Variants in ADAMTS17 observed in about 807,000 individuals in gnomAD.
The protein encoded by ADAMTS17 is ADAM metallopeptidase with thrombospondin type 1 motif 17.
In ADAMTS17, 113 loss-of-function variants were observed where a neutral mutation model predicts 141.5. That is an observed-to-expected ratio of 0.80 (90% CI 0.69 to 0.93). ADAMTS17 has a LOEUF of 0.93. Ranked by LOEUF, ADAMTS17 falls within the 40% of genes least tolerant of loss-of-function variation. The probability of loss-of-function intolerance (pLI) is 0.00; values close to 1 mark genes in which losing one functional copy is unlikely to be tolerated. For synonymous variants in ADAMTS17, 768 were observed against 630.6 expected (o/e 1.22, Z -3.27); for missense variants, 1,659 against 1,517.9 (o/e 1.09, Z -1.54).
Position 99,976,068 on chromosome 15 carries a change from T to G in ADAMTS17, c.3104A>C (p.Asn1035Thr). The change falls in exon 21 of 22, where the codon AAC becomes ACC. Residue 1035 changes from asparagine to threonine, a missense_variant. By Grantham distance (65) the Asn-to-Thr change is moderately conservative. Coordinates refer to ENST00000268070, the MANE Select transcript of ADAMTS17 (RefSeq NM_139057.4). ...ACCAAGGCGGGGGGAGGTGATGGTG[T>G]TGGCGTTGATCCTGTCGTTGCAGAC... The part of the protein sequence containing the change: ...QEVCNDRINA[N>T]TITSPRLAAL... 6.4e-7 allele frequency: 1 copy of G among 1,551,370 alleles called. No individual in the cohort carries two copies. Among genetic ancestry groups the G allele is most frequent in the East Asian group, 2.4e-5 (1 of 40,934 alleles).
intron 7 of ADAMTS17, among the ~76,000 whole-genome samples, chr15:100,234,353 A>T (rs576368764): frequency 6.6e-6 from 1 of 152,294 alleles, no homozygotes; most frequent in South Asian, 2.1e-4. Context: ...GATCCCCAGG[A>T]CACCGCCTGG....
intron 18 of ADAMTS17, among the ~76,000 whole-genome samples, chr15:100,043,049 C>G (rs570960257): frequency 1.1e-4 from 16 of 152,320 alleles, no homozygotes; most frequent in African/African-American, 3.8e-4. Flanking sequence ...GCTTCAAAAT[C>G]TATTATCAGA....
At chr15:100,105,862 G>T (rs1026881135) in intron 14 of ADAMTS17, among the ~76,000 whole-genome samples, 2 of 151,956 alleles carry the variant, frequency 1.3e-5, no homozygotes, top group Non-Finnish European at 2.9e-5. Flanking sequence ...TAATTTTTTT[G>T]TATTTTTAGT....
chr15:100,136,828 G>A (rs2038357949), intron 10 of ADAMTS17, among the ~76,000 whole-genome samples: 1 of 152,236 alleles, frequency 6.6e-6, no homozygotes, highest in Non-Finnish European at 1.5e-5. Flanking sequence ...AATGAGCCCA[G>A]AGGCGTGTCC....
chr15:100,051,514 T>C, intron 17 of ADAMTS17, 58 bp downstream of exon 17: 1 of 1,610,660 alleles, frequency 6.2e-7, no homozygotes, highest in Admixed American at 1.7e-5. Context: ...CACAGATGCC[T>C]TTCTCCTTCC....
At position 100,099,629 on chromosome 15, in the gene ADAMTS17, G is replaced by A. The variant is rs113902705; in HGVS notation, c.2017-3153C>T. 7.9e-3 allele frequency among the ~76,000 whole-genome samples: 1,205 copies of A among 152,280 alleles called. 15 individuals carry two copies. Among genetic ancestry groups the A allele is most frequent in the African/African-American group, 0.027 (1,136 of 41,548 alleles). On this transcript the variant is annotated intron_variant, in intron 14 of 21. Transcript: ENST00000268070. ...CTCAGCTTTCAAAGCAGGGCTTCAA[G>A]TTCCTGGCCAGCATTTGCTGGTCGC...
chr15:100,303,258 G>C (rs1302318818), intron 3 of ADAMTS17, among the ~76,000 whole-genome samples: 1 of 147,678 alleles, frequency 6.8e-6, no homozygotes, highest in East Asian at 2.0e-4. Context: ...TCTGTCCCTC[G>C]AGAGAACCCT....
intron 13 of ADAMTS17, 108 bp from the exon 14 acceptor site, chr15:100,109,224 C>T (rs1266884768): frequency 2.7e-6 from 4 of 1,505,246 alleles, no homozygotes; most frequent in Non-Finnish European, 3.6e-6. Context: ...GAGGTCCGCA[C>T]AGGTCAGTAA....
chr15:100,340,957 C>CGG, intron 2 of ADAMTS17, 82 bp downstream of exon 2: 10 of 1,499,736 alleles, frequency 6.7e-6, no homozygotes, highest in Non-Finnish European at 8.0e-6. Context: ...CCAGCAGAGG[C>CGG]GCCCCACCCC....
intron 3 of ADAMTS17, among the ~76,000 whole-genome samples, chr15:100,314,504 A>C (rs1241567245): frequency 6.6e-6 from 1 of 152,202 alleles, no homozygotes; most frequent in African/African-American, 2.4e-5. Flanking sequence ...AAGAGGGAAG[A>C]GAGAGAGAAC....
chr15:100,004,056 G>A (rs2060983635), intron 18 of ADAMTS17, among the ~76,000 whole-genome samples: 1 of 152,256 alleles, frequency 6.6e-6, no homozygotes, highest in Non-Finnish European at 1.5e-5. Flanking sequence ...GATGTCAGTG[G>A]GTGGTTAGAA....
At chr15:100,097,070 C>T (rs370900682) in intron 14 of ADAMTS17, among the ~76,000 whole-genome samples, 5 of 152,324 alleles carry the variant, frequency 3.3e-5, no homozygotes, top group Admixed American at 1.3e-4. Context: ...CAACAAGGCA[C>T]GTCTGAGAGC....
chr15:100,210,119 C>T (rs2041746420), intron 7 of ADAMTS17, among the ~76,000 whole-genome samples: 1 of 151,008 alleles, frequency 6.6e-6, no homozygotes, highest in Non-Finnish European at 1.5e-5. Flanking sequence ...TTGTCCCAGC[C>T]ACTCAGGAGG....
Position 99,997,134 on chromosome 15 carries a change from A to AT in ADAMTS17, c.2796+250dup, listed in dbSNP as rs1348881649. 2.0e-5 allele frequency among the ~76,000 whole-genome samples: 3 copies of AT among 152,208 alleles called. No individual in the cohort carries two copies. Among genetic ancestry groups the AT allele is most frequent in the Non-Finnish European group, 4.4e-5 (3 of 68,042 alleles). On this transcript the variant is annotated intron_variant, in intron 19 of 21. Transcript: ENST00000268070. The surrounding 1 kb of genome is among the most constrained non-coding windows in gnomAD (Gnocchi z 4.7). ...CTGTCTATCCTATCTTGATGTGAGAATTTTCATAGGAAATGGGATCAAACA... is the reference window on the plus strand; with the variant it reads ...CTGTCTATCCTATCTTGATGTGAGAATTTTTCATAGGAAATGGGATCAAACA...
Position 100,124,282 on chromosome 15 carries a change from A to C in ADAMTS17, c.1722-7269T>G, listed in dbSNP as rs534707429. Among the ~76,000 whole-genome samples the C allele has an allele frequency of 5.3e-5, 8 of 152,324 alleles. No homozygotes were observed. The East Asian group carries it at 1.5e-3, about 29-fold the overall frequency. On this transcript the variant is annotated intron_variant, in intron 12 of 21. Transcript: ENST00000268070. ...TGCCAGGCCTGTTCTAGGACTCCTAAACGTGAATAAAATAGAAGCTTAGAT... is the reference window on the plus strand; with the variant it reads ...TGCCAGGCCTGTTCTAGGACTCCTACACGTGAATAAAATAGAAGCTTAGAT...
chr15:100,034,939 T>G (rs1439677912), intron 18 of ADAMTS17, among the ~76,000 whole-genome samples: 1 of 152,198 alleles, frequency 6.6e-6, no homozygotes, highest in Non-Finnish European at 1.5e-5. Context: ...AATAATCCCC[T>G]TAGCATAAAC....
chr15:100,061,731 G>A (rs1046703739), intron 15 of ADAMTS17, among the ~76,000 whole-genome samples: 4 of 152,258 alleles, frequency 2.6e-5, no homozygotes, highest in African/African-American at 7.2e-5. Flanking sequence ...GCCGGGGTCG[G>A]AAGCCAAGGG....
chr15:100,008,875 G>A (rs1439037980), intron 18 of ADAMTS17, among the ~76,000 whole-genome samples: 1 of 152,164 alleles, frequency 6.6e-6, no homozygotes, highest in Non-Finnish European at 1.5e-5. Flanking sequence ...ATCTCACTCT[G>A]TCACTCAGTG....
In ADAMTS17 at chr15:100,261,394, G is replaced by C; in HGVS notation, c.1031+85C>G. The C allele has an allele frequency of 3.1e-6, 5 of 1,592,102 alleles. No homozygotes were observed. The South Asian group carries it at 4.5e-5, about 14-fold the overall frequency. On this transcript the variant is annotated intron_variant, in intron 6 of 21. Transcript: ENST00000268070. ...CCCAAGGTCTGATTTCCAAGCCTGA[G>C]TTCTTAACAACATGCCTATTTCCTC...
Sources: gnomAD v4.1 joint callset for allele counts (sites outside exome capture counted in the v4.1 genomes callset) on GRCh38, gnomAD v4.1.1 for gene constraint, Gnocchi (gnomAD v3.1) non-coding constraint, MANE v1.5 for transcripts, NCBI Gene and HGNC (gene_info 2026-07-23, HGNC 2026-07-21) for gene names.